Variants in DCAF15 observed in about 807,000 individuals in gnomAD.
The protein encoded by DCAF15 is DDB1 and CUL4 associated factor 15, also known as DDB1- and CUL4-associated factor 15.
Under a neutral mutation model 68.0 loss-of-function variants are expected in DCAF15, and 24 were observed. The observed-to-expected ratio is 0.35, with a 90% CI of 0.26 to 0.50. The LOEUF (loss-of-function observed/expected upper bound fraction) is 0.50. DCAF15 is among the 20% of genes least tolerant of loss of function. DCAF15 has a pLI of 0.98. For synonymous variants in DCAF15, 376 were observed against 341.6 expected, an observed-to-expected ratio of 1.10 and a Z score of -1.11; for missense variants, 627 against 830.6, an observed-to-expected ratio of 0.75 and a Z score of 3.01.
intron 10 of DCAF15, 98 bp from the exon 11 acceptor site, chr19:13,960,189 A>T (rs1483728865): frequency 1.1e-5 from 17 of 1,566,478 alleles, no homozygotes; most frequent in Non-Finnish European, 1.5e-5. Flanking sequence ...GGGCCCCTCC[A>T]TAGCTGTTCC....
chr19:13,954,210 C>T, intron 1 of DCAF15, 130 bp from the exon 2 acceptor site: 3 of 742,638 alleles, frequency 4.0e-6, no homozygotes, highest in Admixed American at 4.6e-5. Context: ...CAGAGCTTGG[C>T]CTTCTTTTGA....
In DCAF15 at chr19:13,952,566, C is replaced by T; in HGVS notation, c.54C>T (p.Gly18=). ...ACAGCGGGGCTGGGAGCGGCGGCGG[C>T]GGCCCCGGGGGAGCCGGAGGGAAGC... ...ERNSGAGSGG[G]GPGGAGGKRA... The change falls in exon 1 of 13, where the codon GGC becomes GGT. Residue 18 remains glycine (G), a synonymous_variant. Transcript: ENST00000254337. The T allele has an allele frequency of 4.0e-6, 5 of 1,262,184 alleles. No individual in the cohort carries two copies. Among genetic ancestry groups the T allele is most frequent in the South Asian group, 3.4e-5 (1 of 29,020 alleles). 78.2% of individuals were successfully genotyped at this position (1,262,184 alleles called of 1,614,324 possible). A position where few individuals can be genotyped will look rare whatever the true frequency, so the allele number is the denominator to read the frequency against.
intron 1 of DCAF15, among the ~76,000 whole-genome samples, 176 bp from the exon 2 acceptor site, chr19:13,954,164 T>C (rs1455216886): frequency 1.3e-5 from 2 of 152,148 alleles, no homozygotes; most frequent in East Asian, 3.9e-4. Flanking sequence ...CCATCTGGCT[T>C]TACTGTCCCC....
chr19:13,958,205 C>T (rs1010402439), intron 6 of DCAF15, among the ~76,000 whole-genome samples: 8 of 152,130 alleles, frequency 5.3e-5, no homozygotes, highest in Non-Finnish European at 7.4e-5. Flanking sequence ...CTGTTAGGAA[C>T]GACCACAGCG....
At position 13,959,799 on chromosome 19, in the gene DCAF15, AGACTT is replaced by A; in HGVS notation, c.1345_1349del (p.Asp449ArgfsTer6). 6.2e-7 allele frequency: 1 copy of A among 1,612,236 alleles called. No individual in the cohort carries two copies. The highest frequency in any genetic ancestry group is 8.5e-7 in the Non-Finnish European group (1 of 1,179,660). On this transcript the variant is annotated frameshift_variant, in exon 9 of 13. Coordinates refer to ENST00000254337, the MANE Select transcript of DCAF15 (RefSeq NM_138353.4). LOFTEE classifies it high-confidence loss of function. ...ACCTGACAGTGGAGCAGCTCACACT[AGACTT>A]CGAATATGTTATCAATGAGGTCATC... is the stretch of plus-strand genomic sequence containing the variant.
chr19:13,954,785 A>G, intron 3 of DCAF15, 124 bp downstream of exon 3: 7 of 1,069,268 alleles, frequency 6.5e-6, no homozygotes, highest in South Asian at 1.5e-5. Context: ...GTCATCATCA[A>G]GATTCCATGT....
In DCAF15 at chr19:13,954,674, C is replaced by G; in HGVS notation, c.366+13C>G. 2 of 1,613,838 alleles carry G rather than the reference C, an allele frequency of 1.2e-6. No homozygotes were observed. The highest frequency in any genetic ancestry group is 2.2e-5 in the East Asian group (1 of 44,880). On this transcript the variant is annotated intron_variant, in intron 3 of 12. Coordinates refer to ENST00000254337, the MANE Select transcript of DCAF15 (RefSeq NM_138353.4). ...CAAGCTCAAGCTGGTAGGGAGGCTT[C>G]AACACCAGGCTGGCCCTTCAGATGG... is the stretch of plus-strand genomic sequence containing the variant.
chr19:13,959,348 C>T lies in DCAF15; in HGVS notation c.1088C>T (p.Ala363Val). The change falls in exon 7 of 13, where the codon GCC (alanine) becomes GTC (valine). Residue 363 changes from alanine to valine, a missense_variant. Transcript: ENST00000254337. Reference sequence around the variant, plus strand: ...TGCCGTGCGCACTCTGAGCCCCTAGCCCTGTGTGGAGAGACGGCACCCCGG... The same window carrying T: ...TGCCGTGCGCACTCTGAGCCCCTAGTCCTGTGTGGAGAGACGGCACCCCGG... ...SRCRAHSEPL[A>V]LCGETAPRDS... is the part of the protein sequence containing the mutation. 1 of 1,606,100 alleles carries T rather than the reference C, an allele frequency of 6.2e-7. No homozygotes were observed. The highest frequency in any genetic ancestry group is 8.5e-7 in the Non-Finnish European group (1 of 1,179,740).
chr19:13,956,359 G>T lies in DCAF15; in HGVS notation c.621G>T (p.Pro207=). 2 of 1,613,686 alleles carry T rather than the reference G, an allele frequency of 1.2e-6. No individual in the cohort carries two copies. Among genetic ancestry groups the T allele is most frequent in the Non-Finnish European group, 1.7e-6 (2 of 1,179,978 alleles). Residue 207 remains proline, a synonymous_variant, in exon 6 of 13, where the codon CCG becomes CCT. Coordinates refer to ENST00000254337, the MANE Select transcript of DCAF15 (RefSeq NM_138353.4). ...TGGCGTGTGTTGCTACAGGAGACCC[G>T]AATGCACAGTGCCTACGGCATGGCT... is the stretch of plus-strand genomic sequence containing the variant. ...QDASRAHPGD[P]NAQCLRHGFM... is the part of the protein sequence containing the mutation.
chr19:13,955,895 CT>C lies in DCAF15; in HGVS notation c.367-16del, dbSNP rs1356326219. ...CAGTTTCCCTGACCCGGTGCTGCCC[CT>C]GAACGTGCCTCACAGGTCCGGCAGG... On this transcript the variant is annotated splice_polypyrimidine_tract_variant and intron_variant, in intron 3 of 12. Coordinates refer to ENST00000254337, the MANE Select transcript of DCAF15 (RefSeq NM_138353.4). 3.7e-6 allele frequency: 6 copies of C among 1,613,270 alleles called. No homozygotes were observed. Among genetic ancestry groups the C allele is most frequent in the East Asian group, 2.2e-5 (1 of 44,886 alleles).
chr19:13,956,298 C>T, intron 5 of DCAF15, 36 bp downstream of exon 5: 11 of 1,611,494 alleles, frequency 6.8e-6, no homozygotes, highest in Non-Finnish European at 9.3e-6. Flanking sequence ...CTCTTCCCCC[C>T]TCCCCCCCTT....
intron 1 of DCAF15, among the ~76,000 whole-genome samples, chr19:13,953,636 A>G (rs918241273): frequency 1.3e-5 from 2 of 152,194 alleles, no homozygotes; most frequent in South Asian, 4.1e-4. Context: ...GACTCTTCCC[A>G]TCAGATTGGA....
rs10410211 is a variant in DCAF15, at chr19:13,954,705, T to G, written c.366+44T>G. On this transcript the variant is annotated intron_variant, in intron 3 of 12. Coordinates refer to ENST00000254337, the MANE Select transcript of DCAF15 (RefSeq NM_138353.4). ...CAGGCTGGCCCTTCAGATGGTGTGG[T>G]TCAGCAGGTCACAGCAACCTCTGAG... 6.3e-3 allele frequency: 10,139 copies of G among 1,609,852 alleles called. 465 individuals are homozygous for G. The African/African-American group carries it at 0.11, about 17-fold the overall frequency.
chr19:13,954,994 T>C (rs984875864), intron 3 of DCAF15, among the ~76,000 whole-genome samples: 3 of 152,028 alleles, frequency 2.0e-5, no homozygotes, highest in Non-Finnish European at 4.4e-5. Context: ...TGTAGTCAGC[T>C]CCTCTGGAGG....
At chr19:13,956,664 G>C (rs1017161203) in intron 6 of DCAF15, 142 bp downstream of exon 6, 38 of 1,014,222 alleles carry the variant, frequency 3.7e-5, no homozygotes, top group Non-Finnish European at 5.3e-5. Context: ...GGAATGCTGC[G>C]GTCCAAATGT....
Position 13,959,903 on chromosome 19 carries a change from C to CAGGGCGGGCAGGGTGGGCCT in DCAF15, c.1440+27_1440+28insTAGGGCGGGCAGGGTGGGCC. 6.2e-7 allele frequency: 1 copy of CAGGGCGGGCAGGGTGGGCCT among 1,611,994 alleles called. No homozygotes were observed. The highest frequency in any genetic ancestry group is 1.1e-5 in the South Asian group (1 of 91,034). On this transcript the variant is annotated intron_variant, in intron 9 of 12. Coordinates refer to ENST00000254337, the MANE Select transcript of DCAF15 (RefSeq NM_138353.4). Reference sequence around the variant, plus strand: ...GACATCGTCATTCTGGAGGTGGGCCCAGGGCGGGCAGGGTGGGCCCAGGGC... The same window carrying CAGGGCGGGCAGGGTGGGCCT: ...GACATCGTCATTCTGGAGGTGGGCCCAGGGCGGGCAGGGTGGGCCTAGGGCGGGCAGGGTGGGCCCAGGGC...
chr19:13,955,759 G>A (rs929184505), intron 3 of DCAF15, among the ~76,000 whole-genome samples, 153 bp from the exon 4 acceptor site: 4 of 152,194 alleles, frequency 2.6e-5, no homozygotes, highest in Non-Finnish European at 5.9e-5. Flanking sequence ...GAGCCTCCAC[G>A]GCTGTCCTCA....
In DCAF15 at chr19:13,959,678, G is replaced by C; in HGVS notation, c.1311+5G>C. The C allele has an allele frequency of 6.2e-7, 1 of 1,613,370 alleles. No homozygotes were observed. Among genetic ancestry groups the C allele is most frequent in the Non-Finnish European group, 8.5e-7 (1 of 1,179,868 alleles). On this transcript the variant is annotated splice_donor_5th_base_variant and intron_variant, in intron 8 of 12. Coordinates refer to ENST00000254337, the MANE Select transcript of DCAF15 (RefSeq NM_138353.4). Reference sequence around the variant, plus strand: ...CGGGAGCGGACTGCTGTCCAGGTGGGTGTGGGCAGTGGGCGGGCCAAGGAC... The same window carrying C: ...CGGGAGCGGACTGCTGTCCAGGTGGCTGTGGGCAGTGGGCGGGCCAAGGAC...
At position 13,961,228 on chromosome 19, in the gene DCAF15, C is replaced by A; in HGVS notation, c.*233C>A. 2 of 589,050 alleles carry A rather than the reference C, an allele frequency of 3.4e-6. No individual in the cohort carries two copies. Among genetic ancestry groups the A allele is most frequent in the East Asian group, 2.9e-5 (1 of 34,798 alleles). The allele number at this position is 589,050 out of a possible 1,614,324, so 36.5% of individuals were successfully genotyped here. A position where few individuals can be genotyped will look rare whatever the true frequency, so the allele number is the denominator to read the frequency against. On this transcript the variant is annotated 3_prime_UTR_variant, in exon 13 of 13. Transcript: ENST00000254337. ...CAGAGAGAGGGCGCCCCCTGCCCCA[C>A]CAGCCTGAGTGCCCCGCCTTCACCC...
Sources: gnomAD v4.1 joint callset for allele counts (sites outside exome capture counted in the v4.1 genomes callset) on GRCh38, gnomAD v4.1.1 for gene constraint, MANE v1.5 for transcripts, NCBI Gene and HGNC (gene_info 2026-07-23, HGNC 2026-07-21) for gene names.